The following CHD1L variants were observed in gnomAD, a reference collection of about 807,000 sequenced individuals.
CHD1L encodes ATP-dependent chromatin remodeler CHD1L.
In CHD1L, 118 loss-of-function variants were observed where a neutral mutation model predicts 115.9. That is an observed-to-expected ratio of 1.02 (90% confidence interval 0.88 to 1.19). The LOEUF is 1.19. Among genes scored for constraint, CHD1L ranks in the 50% most tolerant of loss-of-function variants. The pLI is 0.00. For synonymous variants in CHD1L, 411 were observed against 387.1 expected (o/e 1.06, Z -0.72); for missense variants, 1,179 against 1,065.3 (o/e 1.11, Z -1.49).
chr1:147,277,284 C>G (rs1046321768), intron 14 of CHD1L, among the ~76,000 whole-genome samples: 4 of 152,070 alleles, frequency 2.6e-5, no homozygotes, highest in Non-Finnish European at 5.9e-5. Context: ...TTGGAAAGGA[C>G]TAGTCCATCA....
At chr1:147,178,961 T>C in the CHD1L span, 1 of 1,612,570 alleles carries the variant, frequency 6.2e-7, no homozygotes, top group Non-Finnish European at 8.5e-7. Context: ...AGAAACAGGG[T>C]AATGATGGTG....
chr1:147,230,963 G>A, the CHD1L span, among the ~76,000 whole-genome samples: 1 of 151,800 alleles, frequency 6.6e-6, no homozygotes, highest in Non-Finnish European at 1.5e-5. Flanking sequence ...AAAAGCTCCT[G>A]GATTCATTGA....
the CHD1L span, among the ~76,000 whole-genome samples, chr1:147,180,943 T>C: frequency 1.3e-5 from 2 of 152,232 alleles, no homozygotes; most frequent in African/African-American, 4.8e-5. Context: ...CTGATGTTTC[T>C]GCCTCAAGGG....
chr1:147,272,701 A>G (rs1433388985), intron 12 of CHD1L, among the ~76,000 whole-genome samples: 2 of 152,162 alleles, frequency 1.3e-5, no homozygotes, highest in Non-Finnish European at 2.9e-5. Context: ...GCTTAACAAA[A>G]ATCTAGTTGT....
intron 12 of CHD1L, 40 bp from the exon 13 acceptor site, chr1:147,275,314 T>C (rs782308682): frequency 6.8e-7 from 1 of 1,467,916 alleles, no homozygotes; most frequent in East Asian, 2.3e-5. Flanking sequence ...GCTCCTCGTC[T>C]TTGTGCTGCT....
At chr1:147,241,493 C>T (rs760930413), upstream of CHD1L, among the ~76,000 whole-genome samples, 19 of 152,158 alleles carry the variant, frequency 1.2e-4, no homozygotes, top group African/African-American at 4.6e-4. Context: ...TATCTCCCTT[C>T]GCTGACTCTT....
intron 19 of CHD1L, among the ~76,000 whole-genome samples, chr1:147,289,363 G>T (rs1370447881): frequency 6.6e-6 from 1 of 152,158 alleles, no homozygotes; most frequent in South Asian, 2.1e-4. Context: ...AACCTTGTGC[G>T]GTATTTTGAG....
At chr1:147,249,404 A>ATTTT (rs59773572) in intron 1 of CHD1L, among the ~76,000 whole-genome samples, 12,246 of 94,032 alleles carry the variant, frequency 0.13, 2,622 homozygotes, top group East Asian at 0.4. Flanking sequence ...CTTGGTGTGT[A>ATTTT]TTTTTTTTTT....
At chr1:147,187,984 T>G in the CHD1L span, among the ~76,000 whole-genome samples, 5 of 151,988 alleles carry the variant, frequency 3.3e-5, no homozygotes, top group Non-Finnish European at 7.4e-5. Flanking sequence ...CAATTGAGAT[T>G]GAAGAATCCA....
the CHD1L span, chr1:147,175,847 A>T: frequency 6.6e-6 from 1 of 151,360 alleles, no homozygotes; most frequent in African/African-American, 2.4e-5. Flanking sequence ...GATGAATCTC[A>T]AATGCATTAT....
At chr1:147,186,960 C>T in the CHD1L span, 1 of 1,614,050 alleles carries the variant, frequency 6.2e-7, no homozygotes, top group Non-Finnish European at 8.5e-7. Flanking sequence ...TGCCTATTGT[C>T]ATTGTTGAAG....
the CHD1L span, chr1:147,178,902 T>G: frequency 6.3e-7 from 1 of 1,575,458 alleles, no homozygotes; most frequent in Non-Finnish European, 8.7e-7. Context: ...TACTTATTGC[T>G]TACTATGATG....
chr1:147,196,338 T>C, the CHD1L span, among the ~76,000 whole-genome samples: 9 of 152,254 alleles, frequency 5.9e-5, no homozygotes, highest in Non-Finnish European at 1.2e-4. Flanking sequence ...TTAAGCTTAA[T>C]CATAGGTCTC....
At chr1:147,246,379 T>C (rs1553933864) in intron 1 of CHD1L, among the ~76,000 whole-genome samples, 1 of 152,232 alleles carries the variant, frequency 6.6e-6, no homozygotes, top group African/African-American at 2.4e-5. Context: ...TGTATACAGA[T>C]TTTGTATGAA....
the CHD1L span, among the ~76,000 whole-genome samples, chr1:147,197,260 G>A: frequency 2.0e-5 from 3 of 152,096 alleles, no homozygotes; most frequent in Admixed American, 6.6e-5. Flanking sequence ...TGTCCTTTTA[G>A]TAAATTCCTA....
the CHD1L span, among the ~76,000 whole-genome samples, chr1:147,197,416 G>C: frequency 1.3e-5 from 2 of 152,168 alleles, no homozygotes; most frequent in South Asian, 4.1e-4. Flanking sequence ...GTCTGTCTTT[G>C]ATATGGTTTG....
chr1:147,276,212 T>C lies in CHD1L; in HGVS notation c.1494T>C (p.His498=), dbSNP rs1553957801. The C allele has an allele frequency of 2.5e-6, 4 of 1,614,014 alleles. No homozygotes were observed. In the Admixed American group the frequency reaches 5.0e-5, roughly 20 times the overall value. The part of the protein sequence containing the change: ...QLTNMIIEGG[H]FTLGAQKPAA... Reference sequence around the variant, plus strand: ...CCAACATGATCATAGAAGGAGGCCATTTTACTCTGGGAGCCCAGAAACCCG... The same window carrying C: ...CCAACATGATCATAGAAGGAGGCCACTTTACTCTGGGAGCCCAGAAACCCG... Residue 498 remains histidine (H), a synonymous_variant, in exon 14 of 23, where the codon CAT becomes CAC. Transcript: ENST00000369258.
rs1553947668 is a variant in CHD1L, at chr1:147,265,815, A to G, written c.740-117A>G. On this transcript the variant is annotated intron_variant, in intron 7 of 22. Coordinates refer to ENST00000369258, the MANE Select transcript of CHD1L (RefSeq NM_004284.6). ...TATAAAAAAATGATCATACTGGCCTAGAATGCAAAATAAGCGTGAAATAAG... is the reference window on the plus strand; with the variant it reads ...TATAAAAAAATGATCATACTGGCCTGGAATGCAAAATAAGCGTGAAATAAG... 3 of 873,712 alleles carry G rather than the reference A, an allele frequency of 3.4e-6. No individual in the cohort carries two copies. The African/African-American group carries it at 5.2e-5, about 15-fold the overall frequency. The allele number at this position is 873,712 out of a possible 1,614,324, so 54.1% of individuals were successfully genotyped here. A position where few individuals can be genotyped will look rare whatever the true frequency, so the allele number is the denominator to read the frequency against.
intron 6 of CHD1L, among the ~76,000 whole-genome samples, chr1:147,261,659 T>C (rs139381602): frequency 1.3e-5 from 2 of 152,180 alleles, no homozygotes; most frequent in African/African-American, 4.8e-5. Flanking sequence ...AACCTGGATT[T>C]GGAGTGGGAA....
Sources: gnomAD v4.1 joint callset for allele counts (sites outside exome capture counted in the v4.1 genomes callset) on GRCh38, gnomAD v4.1.1 for gene constraint, MANE v1.5 for transcripts, NCBI Gene and HGNC (gene_info 2026-07-23, HGNC 2026-07-21) for gene names.